The following PIK3C2G variants were observed in gnomAD, a reference collection of about 807,000 sequenced individuals.
PIK3C2G encodes the protein phosphatidylinositol 3-kinase C2 domain-containing subunit gamma.
In PIK3C2G, 168 loss-of-function variants were observed where a neutral mutation model predicts 181.1. That is an observed-to-expected ratio of 0.93 (90% confidence interval 0.82 to 1.05). PIK3C2G has a LOEUF of 1.05. Among genes scored for constraint, PIK3C2G ranks in the 50% least tolerant of loss-of-function variants. The probability of loss-of-function intolerance (pLI) is 0.00; values close to 1 mark genes in which losing one functional copy is unlikely to be tolerated. For missense variants in PIK3C2G, 1,869 were observed against 1,732.8 expected (o/e 1.08, Z -1.40); for synonymous variants, 573 against 592.2 (o/e 0.97, Z 0.47).
At chr12:18,247,045 T>C (rs1948047593), upstream of PIK3C2G, among the ~76,000 whole-genome samples, 1 of 152,212 alleles carries the variant, frequency 6.6e-6, no homozygotes, top group Non-Finnish European at 1.5e-5. Flanking sequence ...ACTCAAATTC[T>C]ATAAATTTTT....
At chr12:18,353,222 A>G (rs917181635) in intron 11 of PIK3C2G, among the ~76,000 whole-genome samples, 6 of 152,094 alleles carry the variant, frequency 3.9e-5, no homozygotes, top group African/African-American at 1.4e-4. Flanking sequence ...ATTCCTCCCT[A>G]AAGTTTACCT....
chr12:18,637,667 T>C (rs1169076408), intron 31 of PIK3C2G, among the ~76,000 whole-genome samples: 1 of 152,202 alleles, frequency 6.6e-6, no homozygotes, highest in Non-Finnish European at 1.5e-5. Context: ...CAGGTCCTAC[T>C]GTGAGGCTTG....
At chr12:18,557,936 T>C (rs1383535224) in intron 26 of PIK3C2G, among the ~76,000 whole-genome samples, 3 of 152,174 alleles carry the variant, frequency 2.0e-5, no homozygotes, top group African/African-American at 7.2e-5. Flanking sequence ...TCCAAATTGA[T>C]TTCTAATTTA....
chr12:18,692,836 A>G, the PIK3C2G span: 2 of 1,582,346 alleles, frequency 1.3e-6, no homozygotes, highest in Non-Finnish European at 1.7e-6. Context: ...CAACTCAAGG[A>G]CAAGAAAAAG....
At chr12:18,335,704 C>T (rs1345489443) in intron 8 of PIK3C2G, among the ~76,000 whole-genome samples, 1 of 152,182 alleles carries the variant, frequency 6.6e-6, no homozygotes, top group Admixed American at 6.5e-5. Flanking sequence ...TCCAAACTTT[C>T]TGTTGGTTCT....
chr12:18,561,615 T>A lies in PIK3C2G; in HGVS notation c.3591-1088T>A, dbSNP rs540946712. 8.6e-5 allele frequency among the ~76,000 whole-genome samples: 13 copies of A among 151,942 alleles called. No homozygotes were observed. In the South Asian group the frequency reaches 2.5e-3, roughly 29 times the overall value. ...ATACTGGAGAAAAGGGAACGAACAG[T>A]ATGAAAAAAGAAGCTATTAGCTGAT... On this transcript the variant is annotated intron_variant, in intron 26 of 32. Transcript: ENST00000538779.
chr12:18,472,970 G>T (rs1351960615), intron 18 of PIK3C2G, among the ~76,000 whole-genome samples: 1 of 152,156 alleles, frequency 6.6e-6, no homozygotes, highest in African/African-American at 2.4e-5. Flanking sequence ...AAAGTACTAG[G>T]ATTACAGGCG....
chr12:18,385,196 A>G (rs548097313), intron 14 of PIK3C2G, among the ~76,000 whole-genome samples: 2 of 152,316 alleles, frequency 1.3e-5, no homozygotes, highest in African/African-American at 4.8e-5. Context: ...AAAAGATTAT[A>G]CTAAGCCTAC....
chr12:18,383,830 G>T (rs992479107), intron 14 of PIK3C2G, among the ~76,000 whole-genome samples: 4 of 151,398 alleles, frequency 2.6e-5, no homozygotes, highest in African/African-American at 9.7e-5. Flanking sequence ...TTGAGACAGA[G>T]GCTCACTCTG....
chr12:18,362,973 TA>T lies in PIK3C2G; in HGVS notation c.1748+95del, dbSNP rs59381069. 1,605 of 996,074 alleles carry T rather than the reference TA, an allele frequency of 1.6e-3. 16 individuals are homozygous for T. In the African/African-American group the frequency reaches 0.023, roughly 14 times the overall value. 61.7% of individuals were successfully genotyped at this position (996,074 alleles called of 1,614,324 possible). On this transcript the variant is annotated intron_variant, in intron 12 of 32. Coordinates refer to ENST00000538779, the MANE Select transcript of PIK3C2G (RefSeq NM_001288772.2). Reference sequence around the variant, plus strand: ...TTTTTTAAAAGCAAGGGATGTAATTTAAAAAAAATATGCTGCCAGTTGATTT... The same window carrying T: ...TTTTTTAAAAGCAAGGGATGTAATTTAAAAAAATATGCTGCCAGTTGATTT...
chr12:18,631,336 T>C (rs1343094936), intron 31 of PIK3C2G, among the ~76,000 whole-genome samples: 1 of 152,182 alleles, frequency 6.6e-6, no homozygotes, highest in Non-Finnish European at 1.5e-5. Flanking sequence ...CTAAAACCTG[T>C]GCTGTTCTAT....
At chr12:18,341,992 T>C (rs577319050) in intron 9 of PIK3C2G, among the ~76,000 whole-genome samples, 2 of 152,284 alleles carry the variant, frequency 1.3e-5, no homozygotes, top group East Asian at 3.9e-4. Context: ...GGAAACAATT[T>C]GCATCCTTCA....
At chr12:18,555,005 T>G (rs1944929011) in intron 26 of PIK3C2G, among the ~76,000 whole-genome samples, 1 of 152,098 alleles carries the variant, frequency 6.6e-6, no homozygotes. Context: ...GTCAGTCAAT[T>G]GCAACTCTTC....
intron 21 of PIK3C2G, among the ~76,000 whole-genome samples, chr12:18,497,408 A>G (rs552353089): frequency 6.6e-6 from 1 of 152,298 alleles, no homozygotes; most frequent in East Asian, 1.9e-4. Flanking sequence ...TTGATGGTTG[A>G]AGCTTCTGTA....
the PIK3C2G span, chr12:18,712,889 G>A: frequency 1.1e-5 from 18 of 1,613,930 alleles, no homozygotes; most frequent in Non-Finnish European, 1.5e-5. Flanking sequence ...TTAAACAGAA[G>A]TTTGCTTGTG....
At chr12:18,384,802 T>C (rs139063266) in intron 14 of PIK3C2G, among the ~76,000 whole-genome samples, 48 of 152,340 alleles carry the variant, frequency 3.2e-4, no homozygotes, top group Admixed American at 1.7e-3. Context: ...ATGTAAATCA[T>C]TCCACAGTAT....
intron 8 of PIK3C2G, among the ~76,000 whole-genome samples, chr12:18,337,117 T>G (rs1938607762): frequency 6.6e-6 from 1 of 152,120 alleles, no homozygotes; most frequent in Non-Finnish European, 1.5e-5. Flanking sequence ...AAACTGATGT[T>G]TTTTGAAAAA....
chr12:18,333,404 A>G lies in PIK3C2G; in HGVS notation c.1273-5022A>G, dbSNP rs184865278. ...CTGCACCCATCAACCCGTCATCTAC[A>G]TTAAGTATTTCTCCTATTTCTCTCC... is the stretch of plus-strand genomic sequence containing the variant. On this transcript the variant is annotated intron_variant, in intron 8 of 32. Coordinates refer to ENST00000538779, the MANE Select transcript of PIK3C2G (RefSeq NM_001288772.2). Among the ~76,000 whole-genome samples, 3 of 152,164 alleles carry G rather than the reference A, an allele frequency of 2.0e-5. No individual in the cohort carries two copies. The East Asian group carries it at 5.8e-4, about 30-fold the overall frequency.
intron 23 of PIK3C2G, 31 bp downstream of exon 23, chr12:18,503,448 T>A: frequency 6.7e-7 from 1 of 1,499,352 alleles, no homozygotes; most frequent in East Asian, 2.4e-5. Flanking sequence ...TTTTAAATAA[T>A]GTACTTAAAT....
Sources: allele counts gnomAD v4.1 joint callset (sites outside exome capture counted in the v4.1 genomes callset), GRCh38; gene constraint gnomAD v4.1.1; transcripts MANE v1.5; gene names NCBI Gene and HGNC (gene_info 2026-07-23, HGNC 2026-07-21).